NLGN4X: variants seen among roughly 807,000 people sequenced by gnomAD.
NLGN4X encodes the protein neuroligin 4 X-linked, also known as neuroligin-4, X-linked.
Under a neutral mutation model 40.3 loss-of-function variants are expected in NLGN4X, and 3 were observed. The ratio of observed to expected loss-of-function variants is 0.07; its 90% CI spans 0.03 to 0.19. NLGN4X has a LOEUF of 0.19. NLGN4X is among the 10% of genes least tolerant of loss of function. The pLI, the probability that NLGN4X is intolerant of heterozygous loss-of-function variation, is 1.00. For synonymous variants in NLGN4X, 270 were observed against 306.8 expected (o/e 0.88, Z 1.25); for missense variants, 382 against 708.3 (o/e 0.54, Z 5.23).
intron 2 of NLGN4X, among the ~76,000 whole-genome samples, chrX:6,134,305 C>T (rs748294260): frequency 2.5e-4 from 28 of 111,935 alleles, no homozygotes; most frequent in Non-Finnish European, 4.9e-4. Flanking sequence ...ATATTAATGT[C>T]AGGCTGTGGA....
chrX:6,083,680 A>G lies in NLGN4X; in HGVS notation c.473-54248T>C, dbSNP rs181735912. Among the ~76,000 whole-genome samples, 211 of 112,563 alleles carry G rather than the reference A, an allele frequency of 1.9e-3. 1 individual carries two copies. The highest frequency in any genetic ancestry group is 6.0e-3 in the African/African-American group (186 of 30,968). On this transcript the variant is annotated intron_variant, in intron 2 of 5. Coordinates refer to ENST00000381095, the MANE Select transcript of NLGN4X (RefSeq NM_181332.3). ...AAATGAGAAGTAGACATCCATTTAC[A>G]TAAGTGCTGAGAAAAGAGAAGTAAA...
chrX:6,110,547 A>G (rs1347831165), intron 2 of NLGN4X, among the ~76,000 whole-genome samples: 1 of 111,738 alleles, frequency 8.9e-6, no homozygotes, highest in African/African-American at 3.3e-5. Flanking sequence ...AATGCATTTA[A>G]TTATAAATTA....
chrX:6,109,463 C>T (rs2039099515), intron 2 of NLGN4X, among the ~76,000 whole-genome samples: 1 of 111,913 alleles, frequency 8.9e-6, no homozygotes, highest in Non-Finnish European at 1.9e-5. Flanking sequence ...TTAGCCATGC[C>T]ATAATCCAAC....
intron 3 of NLGN4X, among the ~76,000 whole-genome samples, chrX:5,995,558 G>C: frequency 8.9e-6 from 1 of 112,189 alleles, no homozygotes; most frequent in African/African-American, 3.2e-5. Context: ...AGCACACTGG[G>C]CTTTACCTAA....
chrX:5,973,996 T>C (rs994118789), intron 3 of NLGN4X, among the ~76,000 whole-genome samples: 1 of 111,874 alleles, frequency 8.9e-6, no homozygotes, highest in African/African-American at 3.2e-5. Context: ...GATGTCTATG[T>C]GTCAAAATAG....
At chrX:6,214,395 C>T (rs1352908062) in intron 1 of NLGN4X, among the ~76,000 whole-genome samples, 2 of 111,715 alleles carry the variant, frequency 1.8e-5, no homozygotes, top group African/African-American at 3.3e-5. Flanking sequence ...TCCTGCAAAT[C>T]CAACTTCCTA....
chrX:5,989,833 T>C (rs751442031), intron 3 of NLGN4X, among the ~76,000 whole-genome samples: 3 of 111,611 alleles, frequency 2.7e-5, no homozygotes, highest in African/African-American at 9.8e-5. Context: ...ATATGCAATG[T>C]TTTTTCCTAT....
chrX:6,051,877 T>C (rs1225231156), intron 2 of NLGN4X, among the ~76,000 whole-genome samples: 1 of 111,304 alleles, frequency 9.0e-6, no homozygotes, highest in Admixed American at 9.6e-5. Context: ...CTTGAGTGTA[T>C]TACATTACCT....
At chrX:6,107,339 C>T (rs968631293) in intron 2 of NLGN4X, among the ~76,000 whole-genome samples, 15 of 111,151 alleles carry the variant, frequency 1.3e-4, no homozygotes, top group African/African-American at 4.3e-4. Flanking sequence ...AGTGGATGCA[C>T]ACTAAAACCT....
At chrX:6,073,834 A>G (rs1433348059) in intron 2 of NLGN4X, among the ~76,000 whole-genome samples, 2 of 110,858 alleles carry the variant, frequency 1.8e-5, no homozygotes, top group Admixed American at 1.9e-4. Flanking sequence ...CCACAATTTA[A>G]AGAATTTTTT....
intron 1 of NLGN4X, among the ~76,000 whole-genome samples, chrX:6,194,479 T>A (rs893772402): frequency 2.7e-5 from 3 of 111,385 alleles, no homozygotes; most frequent in African/African-American, 9.8e-5. Flanking sequence ...GGATTTTGCA[T>A]CTATAGGAAA....
intron 3 of NLGN4X, among the ~76,000 whole-genome samples, chrX:5,914,753 C>T (rs2032697935): frequency 9.0e-6 from 1 of 111,314 alleles, no homozygotes; most frequent in East Asian, 2.8e-4. Context: ...AATAAAAATT[C>T]TTCAGTGAGA....
intron 2 of NLGN4X, among the ~76,000 whole-genome samples, chrX:6,096,916 C>T (rs1188244546): frequency 9.3e-6 from 1 of 107,934 alleles, no homozygotes; most frequent in Non-Finnish European, 1.9e-5. Context: ...TTGCCAAGGA[C>T]ATTGATGGTG....
intron 3 of NLGN4X, among the ~76,000 whole-genome samples, chrX:5,912,846 AAGGAGGGAGGGAGGGAGAGC>A (rs1402265801): frequency 2.8e-4 from 26 of 92,189 alleles, no homozygotes; most frequent in African/African-American, 9.6e-4. Context: ...GGAAGGAGGG[AAGGAGGGAGGGAGGGAGAGC>A]AGGAGGGAGG....
In NLGN4X at chrX:6,056,196, C is replaced by T. The variant is rs1025154563; in HGVS notation, c.473-26764G>A. ...AGATTTAAGATAAAACAAAAACAGG[C>T]CAGGGGTGGTGGCTCACACCTGTAA... On this transcript the variant is annotated intron_variant, in intron 2 of 5. Transcript: ENST00000381095. Among the ~76,000 whole-genome samples, 7 of 111,758 alleles carry T rather than the reference C, an allele frequency of 6.3e-5. No individual in the cohort carries two copies. In the South Asian group the frequency reaches 2.3e-3, roughly 36 times the overall value.
chrX:5,945,702 T>C (rs139624910), intron 3 of NLGN4X, among the ~76,000 whole-genome samples: 181 of 110,845 alleles, frequency 1.6e-3, no homozygotes, highest in African/African-American at 5.7e-3. Context: ...TGTCCTCTCT[T>C]ATAAACGGAA....
intron 2 of NLGN4X, among the ~76,000 whole-genome samples, chrX:6,070,034 T>C (rs2038020737): frequency 9.0e-6 from 1 of 111,629 alleles, no homozygotes. Flanking sequence ...CAATGTTTCA[T>C]GTTCTCCTCC....
At chrX:6,202,005 C>T (rs1267998091) in intron 1 of NLGN4X, among the ~76,000 whole-genome samples, 5 of 111,419 alleles carry the variant, frequency 4.5e-5, no homozygotes, top group South Asian at 3.8e-4. Flanking sequence ...GCAGGAGGAA[C>T]AGACAATCAG....
chrX:5,980,402 T>G (rs1359150237), intron 3 of NLGN4X, among the ~76,000 whole-genome samples: 3 of 109,947 alleles, frequency 2.7e-5, no homozygotes, highest in Non-Finnish European at 3.8e-5. Flanking sequence ...ATGTATTAAT[T>G]GGTTCCTTTA....
Sources: allele counts gnomAD v4.1 joint callset (sites outside exome capture counted in the v4.1 genomes callset), GRCh38; gene constraint gnomAD v4.1.1; transcripts MANE v1.5; gene names NCBI Gene and HGNC (gene_info 2026-07-23, HGNC 2026-07-21).